Variants in SDHC observed in about 807,000 individuals in gnomAD.
The protein encoded by SDHC is succinate dehydrogenase complex subunit C, also known as succinate dehydrogenase cytochrome b560 subunit, mitochondrial.
A neutral mutation model predicts 22.6 loss-of-function variants in SDHC; 11 were observed. The observed-to-expected ratio is 0.49, with a 90% CI of 0.31 to 0.81. The LOEUF is 0.81. Among genes scored for constraint, SDHC ranks in the 30% least tolerant of loss-of-function variants. The probability of loss-of-function intolerance (pLI) is 0.05; values close to 1 mark genes in which losing one functional copy is unlikely to be tolerated. For missense variants in SDHC, 160 were observed against 212.0 expected (o/e 0.75, Z 1.52); for synonymous variants, 80 against 77.8 (o/e 1.03, Z -0.15).
At chr1:161,314,520 G>C in intron 1 of SDHC, 95 bp downstream of exon 1, 3 of 1,495,956 alleles carry the variant, frequency 2.0e-6, no homozygotes, top group Non-Finnish European at 1.9e-6. Flanking sequence ...TCCTGTGCCT[G>C]GGCAGGGAAA....
At chr1:161,358,573 G>A (rs563513829) in intron 5 of SDHC, among the ~76,000 whole-genome samples, 2 of 152,044 alleles carry the variant, frequency 1.3e-5, no homozygotes, top group South Asian at 2.1e-4. Flanking sequence ...GGAGGCGGAG[G>A]TTGCACTGAG....
In SDHC at chr1:161,350,559, T is replaced by C. The variant is rs566123919; in HGVS notation, c.242-6118T>C. Among the ~76,000 whole-genome samples the C allele has an allele frequency of 3.9e-5, 6 of 152,340 alleles. No homozygotes were observed. The South Asian group carries it at 1.2e-3, about 32-fold the overall frequency. Reference sequence around the variant, plus strand: ...GCATTAAATATGTACAATTTTTTCATGTTTCAATTATACCCAATAAAGGTA... The same window carrying C: ...GCATTAAATATGTACAATTTTTTCACGTTTCAATTATACCCAATAAAGGTA... On this transcript the variant is annotated intron_variant, in intron 4 of 5. Transcript: ENST00000367975.
intron 1 of SDHC, among the ~76,000 whole-genome samples, chr1:161,315,891 T>C (rs1258131771): frequency 1.3e-5 from 2 of 152,140 alleles, no homozygotes; most frequent in African/African-American, 4.8e-5. Flanking sequence ...TTGATCATTA[T>C]TGGGTGTTTC....
At chr1:161,321,172 T>A (rs1196147479) in intron 1 of SDHC, among the ~76,000 whole-genome samples, 1 of 152,216 alleles carries the variant, frequency 6.6e-6, no homozygotes, top group Non-Finnish European at 1.5e-5. Flanking sequence ...TTACCATTGC[T>A]GCCCCAATCC....
chr1:161,353,818 A>G (rs1289363671), intron 4 of SDHC, among the ~76,000 whole-genome samples: 1 of 152,182 alleles, frequency 6.6e-6, no homozygotes, highest in Non-Finnish European at 1.5e-5. Context: ...CCCCGTCTCT[A>G]TGAAAAACAA....
chr1:161,329,098 G>A (rs938958713), intron 3 of SDHC, among the ~76,000 whole-genome samples: 4 of 151,946 alleles, frequency 2.6e-5, no homozygotes, highest in African/African-American at 9.7e-5. Flanking sequence ...AGTAGAGATG[G>A]GATTTCACCA....
chr1:161,331,809 C>G (rs1168772428), intron 3 of SDHC, among the ~76,000 whole-genome samples: 1 of 151,156 alleles, frequency 6.6e-6, no homozygotes, highest in Non-Finnish European at 1.5e-5. Context: ...GTTGGCTAGA[C>G]TGGTCTTGAG....
chr1:161,318,065 G>A (rs1022535354), intron 1 of SDHC, among the ~76,000 whole-genome samples: 3 of 151,710 alleles, frequency 2.0e-5, no homozygotes, highest in African/African-American at 4.8e-5. Context: ...CCAGCTACTC[G>A]GGAGGCTAAG....
At chr1:161,349,594 A>C (rs1230388236) in intron 4 of SDHC, among the ~76,000 whole-genome samples, 1 of 152,258 alleles carries the variant, frequency 6.6e-6, no homozygotes, top group Non-Finnish European at 1.5e-5. Context: ...TTCTCTAGAA[A>C]AGCCAAAAGA....
chr1:161,352,235 A>T (rs1461487819), intron 4 of SDHC, among the ~76,000 whole-genome samples: 1 of 152,218 alleles, frequency 6.6e-6, no homozygotes, highest in African/African-American at 2.4e-5. Flanking sequence ...TTTCACTTGT[A>T]GTGATGAAAG....
chr1:161,322,894 A>C (rs16832824), intron 1 of SDHC, among the ~76,000 whole-genome samples: 17,807 of 151,862 alleles, frequency 0.12, 1,406 homozygotes, highest in African/African-American at 0.22. Context: ...TGTAGTAGAT[A>C]TTTGCTAAAG....
At chr1:161,357,488 C>T (rs957846167) in intron 5 of SDHC, among the ~76,000 whole-genome samples, 3 of 152,306 alleles carry the variant, frequency 2.0e-5, no homozygotes, top group Non-Finnish European at 4.4e-5. Context: ...CAAACTCCAC[C>T]TCTTGGGTTC....
chr1:161,349,790 A>G (rs1307248424), intron 4 of SDHC, among the ~76,000 whole-genome samples: 1 of 152,254 alleles, frequency 6.6e-6, no homozygotes, highest in Non-Finnish European at 1.5e-5. Context: ...TCTGAGTTCA[A>G]TTCTAACTCT....
At chr1:161,347,237 T>G (rs1671932176) in intron 4 of SDHC, among the ~76,000 whole-genome samples, 1 of 152,106 alleles carries the variant, frequency 6.6e-6, no homozygotes, top group South Asian at 2.1e-4. Flanking sequence ...ATTGGATGAT[T>G]ATGACGAGGT....
intron 3 of SDHC, among the ~76,000 whole-genome samples, chr1:161,336,335 G>A (rs1247877542): frequency 2.0e-5 from 3 of 151,986 alleles, no homozygotes; most frequent in Non-Finnish European, 2.9e-5. Context: ...CGTGCTTGTA[G>A]TCCCAGCTAC....
chr1:161,344,564 A>G (rs1207848094), intron 4 of SDHC, among the ~76,000 whole-genome samples: 3 of 152,056 alleles, frequency 2.0e-5, no homozygotes, highest in South Asian at 2.1e-4. Flanking sequence ...TCCTAGTTCC[A>G]TGATAGAATA....
At chr1:161,351,718 A>G (rs1672104808) in intron 4 of SDHC, among the ~76,000 whole-genome samples, 1 of 152,204 alleles carries the variant, frequency 6.6e-6, no homozygotes, top group East Asian at 1.9e-4. Flanking sequence ...CTTGACCTCA[A>G]GAGAGGTTGT....
At position 161,362,671 on chromosome 1, in the gene SDHC, G is replaced by C. The variant is rs2102386875; in HGVS notation, c.*238G>C. ...CAAAAACTCCCCTTTTTTGCCCACA[G>C]CTTGCCTACTCTCGGCCTAGAAGCA... On this transcript the variant is annotated 3_prime_UTR_variant, in exon 6 of 6. Coordinates refer to ENST00000367975, the MANE Select transcript of SDHC (RefSeq NM_003001.5). The C allele has an allele frequency of 5.5e-6, 4 of 731,232 alleles. No homozygotes were observed. The South Asian group carries it at 7.5e-5, about 14-fold the overall frequency. The allele number at this position is 731,232 out of a possible 1,614,324, so 45.3% of individuals were successfully genotyped here. A position where few individuals can be genotyped will look rare whatever the true frequency, so the allele number is the denominator to read the frequency against.
chr1:161,353,936 C>G (rs550584812), intron 4 of SDHC, among the ~76,000 whole-genome samples: 72 of 152,324 alleles, frequency 4.7e-4, no homozygotes, highest in African/African-American at 7.2e-5. Context: ...AGATCTCACT[C>G]TGTTACCTGG....
Sources: allele counts gnomAD v4.1 joint callset (sites outside exome capture counted in the v4.1 genomes callset), GRCh38; gene constraint gnomAD v4.1.1; transcripts MANE v1.5; gene names NCBI Gene and HGNC (gene_info 2026-07-23, HGNC 2026-07-21).